The following TSPEAR variants were observed in gnomAD, a reference collection of about 807,000 sequenced individuals.
The protein encoded by TSPEAR is thrombospondin type laminin G domain and EAR repeats, also known as thrombospondin-type laminin G domain and EAR repeat-containing protein.
A neutral mutation model predicts 71.6 loss-of-function variants in TSPEAR; 69 were observed. The ratio of observed to expected loss-of-function variants is 0.96; its 90% confidence interval spans 0.79 to 1.18. The LOEUF is 1.18. TSPEAR is among the 50% of genes most tolerant of loss of function. TSPEAR has a pLI of 0.00. For synonymous variants in TSPEAR, 402 were observed against 387.2 expected (o/e 1.04, Z -0.45); for missense variants, 971 against 894.9 (o/e 1.09, Z -1.09).
Position 44,658,262 on chromosome 21 carries a change from T to C in TSPEAR, c.82+53171A>G, listed in dbSNP as rs1985282989. 2.5e-6 allele frequency: 4 copies of C among 1,613,330 alleles called. No individual in the cohort carries two copies. In the African/African-American group the frequency reaches 4.0e-5, roughly 16 times the overall value. The stretch of plus-strand genomic sequence containing the variant: ...ACCCATCTCCTGCAGCACCCCTTCC[T>C]GCTGCTGACCAGCTGCTCCTGGTAC... On this transcript the variant is annotated intron_variant, in intron 1 of 11. Coordinates refer to ENST00000323084, the MANE Select transcript of TSPEAR (RefSeq NM_144991.3).
intron 1 of TSPEAR, among the ~76,000 whole-genome samples, chr21:44,669,258 A>G (rs1985940038): frequency 6.6e-6 from 1 of 152,156 alleles, no homozygotes; most frequent in Admixed American, 6.5e-5. Flanking sequence ...CCCCGCCTCT[A>G]CTAAAAATAC....
rs1984057593 is a variant in TSPEAR, at chr21:44,642,226, T to C, written c.82+69207A>G. Among the ~76,000 whole-genome samples the C allele has an allele frequency of 6.6e-6, 1 of 152,060 alleles. No homozygotes were observed. The highest frequency in any genetic ancestry group is 2.4e-5 in the African/African-American group (1 of 41,416). On this transcript the variant is annotated intron_variant, in intron 1 of 11. Transcript: ENST00000323084. This position sits in a 1 kb window ranked among gnomAD's most constrained non-coding sequence, Gnocchi z 4.1. ...TTTAATACAATGATATCCAGGAAAA[T>C]ATGGAAATGGTATTGAAAAAGCTCA...
At chr21:44,576,751 G>A (rs1210075852) in intron 1 of TSPEAR, among the ~76,000 whole-genome samples, 1 of 152,138 alleles carries the variant, frequency 6.6e-6, no homozygotes, top group African/African-American at 2.4e-5. Flanking sequence ...TTTTCCAGGA[G>A]GTGTATAGAA....
chr21:44,640,727 G>T (rs967811668), intron 1 of TSPEAR, among the ~76,000 whole-genome samples: 1 of 152,260 alleles, frequency 6.6e-6, no homozygotes, highest in African/African-American at 2.4e-5. Flanking sequence ...AAGACAAAAA[G>T]ATCAGGTTCT....
intron 1 of TSPEAR, chr21:44,654,433 CA>C: frequency 6.2e-7 from 1 of 1,614,170 alleles, no homozygotes; most frequent in Non-Finnish European, 8.5e-7. Context: ...GCTGGGCACA[CA>C]GCAGGCTGGC....
intron 1 of TSPEAR, among the ~76,000 whole-genome samples, chr21:44,618,790 G>A (rs587704870): frequency 6.6e-6 from 1 of 152,326 alleles, no homozygotes; most frequent in African/African-American, 2.4e-5. Context: ...TAGAGGAGCA[G>A]CTATATGGAG....
intron 1 of TSPEAR, among the ~76,000 whole-genome samples, chr21:44,703,439 C>T (rs1987754695): frequency 6.6e-6 from 1 of 152,220 alleles, no homozygotes; most frequent in African/African-American, 2.4e-5. Flanking sequence ...CCCATGCCTC[C>T]CTGTCCCTGG....
chr21:44,637,858 T>C, intron 1 of TSPEAR: 50 of 1,530,508 alleles, frequency 3.3e-5, no homozygotes, highest in Non-Finnish European at 4.4e-5. Context: ...AGGCCTGCTG[T>C]GTGCCTGTCT....
chr21:44,663,369 C>A (rs1347866864), intron 1 of TSPEAR, among the ~76,000 whole-genome samples: 1 of 151,946 alleles, frequency 6.6e-6, no homozygotes, highest in African/African-American at 2.4e-5. Context: ...ATAAAACTGG[C>A]ACATTTTTAA....
rs1555931072 is a variant in TSPEAR at position 44,612,134 on chromosome 21, A to G, written c.83-44129T>C. 6.2e-7 allele frequency: 1 copy of G among 1,614,056 alleles called. No homozygotes were observed. The highest frequency in any genetic ancestry group is 1.7e-5 in the Admixed American group (1 of 60,016). On this transcript the variant is annotated intron_variant, in intron 1 of 11. Coordinates refer to ENST00000323084, the MANE Select transcript of TSPEAR (RefSeq NM_144991.3). The surrounding 1 kb of genome is among the most constrained non-coding windows in gnomAD (Gnocchi z 4.1). The stretch of plus-strand genomic sequence containing the variant: ...CGCCTGCTGCACCAGGACGTATGTG[A>G]TTGCTGCATCCACCATGTCTGTCTG...
intron 2 of TSPEAR, 98 bp from the exon 3 acceptor site, chr21:44,534,021 TGA>T: frequency 1.1e-6 from 1 of 877,712 alleles, no homozygotes; most frequent in Middle Eastern, 3.3e-4. Context: ...GCACAGGTGG[TGA>T]GAGGAGCAGG....
At chr21:44,566,129 G>A (rs1187917615) in intron 2 of TSPEAR, among the ~76,000 whole-genome samples, 1 of 152,156 alleles carries the variant, frequency 6.6e-6, no homozygotes, top group Non-Finnish European at 1.5e-5. Flanking sequence ...GCATTGAGCC[G>A]AGATTGCACC....
chr21:44,686,345 T>C (rs1353194708), intron 1 of TSPEAR: 1 of 152,960 alleles, frequency 6.5e-6, no homozygotes, highest in Non-Finnish European at 1.5e-5. Flanking sequence ...CCAGGGGCCT[T>C]GCTGCCCGAA....
At chr21:44,589,792 G>A (rs960730329) in intron 1 of TSPEAR, among the ~76,000 whole-genome samples, 1 of 152,210 alleles carries the variant, frequency 6.6e-6, no homozygotes, top group Non-Finnish European at 1.5e-5. Flanking sequence ...CTGGCTCTCT[G>A]TTCTGACCTT....
intron 3 of TSPEAR, among the ~76,000 whole-genome samples, chr21:44,532,385 T>C (rs59128130): frequency 0.04 from 6,082 of 152,302 alleles, 421 homozygotes; most frequent in African/African-American, 0.14. Flanking sequence ...CAGGACTTTC[T>C]TTACGGGGTG....
Position 44,531,082 on chromosome 21 carries a change from G to A in TSPEAR, c.594C>T (p.Phe198=), listed in dbSNP as rs150521283. 1.7e-4 allele frequency: 281 copies of A among 1,613,718 alleles called. No homozygotes were observed. The African/African-American group carries it at 2.1e-3, about 12-fold the overall frequency. Reference sequence around the variant, plus strand: ...TGGCTCTCCTCCGGCTGCCGACGAAGAATCGAGCTCCTTTCACTGACAGGG... The same window carrying A: ...TGGCTCTCCTCCGGCTGCCGACGAAAAATCGAGCTCCTTTCACTGACAGGG... ...PATLSVKGAR[F]FVGSRRRAKG... The change falls in exon 4 of 12, where the codon TTC becomes TTT. Residue 198 remains phenylalanine, a synonymous_variant. Coordinates refer to ENST00000323084, the MANE Select transcript of TSPEAR (RefSeq NM_144991.3).
At chr21:44,686,861 T>A (rs1213250794) in intron 1 of TSPEAR, among the ~76,000 whole-genome samples, 1 of 152,230 alleles carries the variant, frequency 6.6e-6, no homozygotes, top group Non-Finnish European at 1.5e-5. Context: ...AAAATTTCCC[T>A]GAAGCTGTTT....
intron 1 of TSPEAR, among the ~76,000 whole-genome samples, chr21:44,667,809 A>G (rs1461625209): frequency 2.0e-5 from 3 of 152,242 alleles, no homozygotes; most frequent in African/African-American, 7.2e-5. Flanking sequence ...GAATGAAGGA[A>G]AAAACCACGT....
At chr21:44,631,503 G>A (rs59125980) in intron 1 of TSPEAR, among the ~76,000 whole-genome samples, 2,067 of 152,170 alleles carry the variant, frequency 0.014, 58 homozygotes, top group African/African-American at 0.047. Context: ...GATCATTTGA[G>A]GTTGGGAGTT....
Sources: gnomAD v4.1 joint callset for allele counts (sites outside exome capture counted in the v4.1 genomes callset) on GRCh38, gnomAD v4.1.1 for gene constraint, Gnocchi (gnomAD v3.1) non-coding constraint, MANE v1.5 for transcripts, NCBI Gene and HGNC (gene_info 2026-07-23, HGNC 2026-07-21) for gene names.